Variants in GFOD1 observed in about 807,000 individuals in gnomAD.
The protein encoded by GFOD1 is glucose-fructose oxidoreductase domain-containing protein 1.
Under a neutral mutation model 25.4 loss-of-function variants are expected in GFOD1, and 9 were observed. That is an observed-to-expected ratio of 0.35 (90% CI 0.21 to 0.62). GFOD1 has a LOEUF of 0.62. GFOD1 is among the 20% of genes least tolerant of loss of function. The probability of loss-of-function intolerance (pLI) is 0.72; values close to 1 mark genes in which losing one functional copy is unlikely to be tolerated. For synonymous variants in GFOD1, 253 were observed against 245.6 expected (o/e 1.03, Z -0.28); for missense variants, 403 against 556.9 (o/e 0.72, Z 2.78).
intron 1 of GFOD1, among the ~76,000 whole-genome samples, chr6:13,450,007 A>G (rs545529983): frequency 6.6e-6 from 1 of 152,312 alleles, no homozygotes; most frequent in South Asian, 2.1e-4. Flanking sequence ...CATTCAATTA[A>G]GGAATGCTGC....
intron 1 of GFOD1, among the ~76,000 whole-genome samples, chr6:13,476,023 A>G (rs1758616919): frequency 6.6e-6 from 1 of 152,208 alleles, no homozygotes; most frequent in Non-Finnish European, 1.5e-5. Flanking sequence ...TGCTCTGGAA[A>G]ACAGTTTGGT....
intron 1 of GFOD1, chr6:13,469,245 T>C (rs1758433896): frequency 1.0e-6 from 1 of 985,520 alleles, no homozygotes. Context: ...CCAGAACAGA[T>C]GGAGGAATAC....
intron 1 of GFOD1, among the ~76,000 whole-genome samples, chr6:13,448,471 G>A (rs746974561): frequency 3.3e-5 from 5 of 152,154 alleles, no homozygotes; most frequent in Non-Finnish European, 7.3e-5. Context: ...AAAAGTGGCT[G>A]GCCAATGGTT....
At chr6:13,429,314 G>A (rs980247147) in intron 1 of GFOD1, among the ~76,000 whole-genome samples, 24 of 152,346 alleles carry the variant, frequency 1.6e-4, no homozygotes, top group African/African-American at 5.3e-4. Flanking sequence ...TGGCCCCAAC[G>A]TGAAATAATG....
At chr6:13,475,760 ATAATAATAC>A (rs1218411302) in intron 1 of GFOD1, among the ~76,000 whole-genome samples, 2 of 115,546 alleles carry the variant, frequency 1.7e-5, no homozygotes, top group Non-Finnish European at 3.7e-5. Context: ...AATAATAATA[ATAATAATAC>A]AAAAATTAGC....
intron 1 of GFOD1, among the ~76,000 whole-genome samples, chr6:13,449,204 T>C (rs1348430208): frequency 2.0e-5 from 3 of 152,172 alleles, no homozygotes; most frequent in Admixed American, 1.3e-4. Flanking sequence ...GGTAGGAGGA[T>C]TGCTTGAGCC....
chr6:13,399,607 G>T (rs1411625381), intron 1 of GFOD1, among the ~76,000 whole-genome samples: 1 of 152,204 alleles, frequency 6.6e-6, no homozygotes, highest in Non-Finnish European at 1.5e-5. Context: ...CCGGTATGCG[G>T]AGTGAAAAGA....
At chr6:13,390,683 C>T (rs934210564) in intron 1 of GFOD1, among the ~76,000 whole-genome samples, 1 of 146,498 alleles carries the variant, frequency 6.8e-6, no homozygotes, top group Non-Finnish European at 1.5e-5. Context: ...GCCATGCTAG[C>T]ACCACTATAC....
intron 1 of GFOD1, among the ~76,000 whole-genome samples, chr6:13,463,210 G>C (rs1758322924): frequency 6.6e-6 from 1 of 152,184 alleles, no homozygotes; most frequent in South Asian, 2.1e-4. Context: ...AGAAGGGTGG[G>C]GCTGGCAGCC....
intron 1 of GFOD1, among the ~76,000 whole-genome samples, chr6:13,369,175 G>A (rs1785102046): frequency 6.6e-6 from 1 of 152,228 alleles, no homozygotes; most frequent in East Asian, 1.9e-4. Flanking sequence ...GTGTGCAGCA[G>A]GAACCCAGCA....
At chr6:13,436,047 T>A (rs145677040) in intron 1 of GFOD1, among the ~76,000 whole-genome samples, 1 of 152,224 alleles carries the variant, frequency 6.6e-6, no homozygotes, top group East Asian at 1.9e-4. Context: ...GAAACATTCA[T>A]CTCTGTTATC....
At chr6:13,431,569 C>T (rs1757750752) in intron 1 of GFOD1, among the ~76,000 whole-genome samples, 1 of 152,230 alleles carries the variant, frequency 6.6e-6, no homozygotes, top group South Asian at 2.1e-4. Context: ...GCCAAATGCC[C>T]TTTTAGCTAC....
rs1227987841 is a variant in GFOD1 at position 13,365,325 on chromosome 6, C to T, written c.591G>A (p.Gly197=). ...LTGQKAVKVH[G]LLKTFVKQTD... is the part of the protein sequence containing the mutation. Reference sequence around the variant, plus strand: ...TCTGCTTCACGAAGGTCTTGAGCAGCCCGTGGACCTTGACGGCCTTTTGGC... The same window carrying T: ...TCTGCTTCACGAAGGTCTTGAGCAGTCCGTGGACCTTGACGGCCTTTTGGC... Residue 197 remains glycine (G), a synonymous_variant, in exon 2 of 2, where the codon GGG becomes GGA. Coordinates refer to ENST00000379287, the MANE Select transcript of GFOD1 (RefSeq NM_018988.4). The surrounding 1 kb of genome is among the most constrained non-coding windows in gnomAD (Gnocchi z 9.2). 1 of 1,614,236 alleles carries T rather than the reference C, an allele frequency of 6.2e-7. No homozygotes were observed. Among genetic ancestry groups the T allele is most frequent in the African/African-American group, 1.3e-5 (1 of 75,070 alleles).
rs770434070 is a variant in GFOD1, at chr6:13,486,792, G to A, written c.99C>T (p.Gly33=). ...GCTCCTCCGCTTCTTCCTGCGTGCG[G>A]CCCCACAGCGCCTTCACCGCGAAGC... The part of the protein sequence containing the change: ...DEGFAVKALW[G]RTQEEAEELA... Residue 33 remains glycine (G), a synonymous_variant, in exon 1 of 2, where the codon GGC becomes GGT. Coordinates refer to ENST00000379287, the MANE Select transcript of GFOD1 (RefSeq NM_018988.4). The A allele has an allele frequency of 2.5e-6, 4 of 1,613,710 alleles. No individual in the cohort carries two copies. In the Admixed American group the frequency reaches 6.7e-5, roughly 27 times the overall value.
intron 1 of GFOD1, among the ~76,000 whole-genome samples, chr6:13,377,606 C>G (rs527528424): frequency 7.2e-5 from 11 of 152,316 alleles, no homozygotes; most frequent in African/African-American, 2.6e-4. Context: ...GAATTTGCCA[C>G]CTTTCCAGAG....
chr6:13,408,182 G>C (rs1049218725), intron 1 of GFOD1: 1 of 709,126 alleles, frequency 1.4e-6, no homozygotes, highest in African/African-American at 1.9e-5. Flanking sequence ...TGCCTGATCA[G>C]AACACAATTG....
At chr6:13,376,148 T>A (rs1249522029) in intron 1 of GFOD1, among the ~76,000 whole-genome samples, 1 of 152,046 alleles carries the variant, frequency 6.6e-6, no homozygotes, top group Non-Finnish European at 1.5e-5. Context: ...CCTGGGGCAG[T>A]CCTCCCCTTC....
chr6:13,421,181 T>TA (rs1786250447), intron 1 of GFOD1, among the ~76,000 whole-genome samples: 1 of 152,140 alleles, frequency 6.6e-6, no homozygotes, highest in African/African-American at 2.4e-5. Context: ...CACATGCATA[T>TA]AAAAATGTGA....
intron 1 of GFOD1, among the ~76,000 whole-genome samples, chr6:13,415,341 C>T (rs1354435737): frequency 6.6e-6 from 1 of 152,156 alleles, no homozygotes; most frequent in Admixed American, 6.5e-5. Flanking sequence ...TGCCCTTCTG[C>T]CCCCTTCCTT....
Sources: allele counts gnomAD v4.1 joint callset (sites outside exome capture counted in the v4.1 genomes callset), GRCh38; gene constraint gnomAD v4.1.1; non-coding constraint Gnocchi (gnomAD v3.1); transcripts MANE v1.5; gene names NCBI Gene and HGNC (gene_info 2026-07-23, HGNC 2026-07-21).